PRMT8: variants seen among roughly 807,000 people sequenced by gnomAD.
PRMT8 encodes protein arginine methyltransferase 8.
In PRMT8, 7 loss-of-function variants were observed where a neutral mutation model predicts 47.1. The ratio of observed to expected loss-of-function variants is 0.15; its 90% CI spans 0.08 to 0.28. The LOEUF (loss-of-function observed/expected upper bound fraction) is 0.28, where lower values mean the gene tolerates loss of function less well. Among genes scored for constraint, PRMT8 ranks in the 10% least tolerant of loss-of-function variants. The pLI, the probability that PRMT8 is intolerant of heterozygous loss-of-function variation, is 1.00. For missense variants in PRMT8, 237 were observed against 505.4 expected, an observed-to-expected ratio of 0.47 and a Z score of 5.09; for synonymous variants, 188 against 186.5, an observed-to-expected ratio of 1.01 and a Z score of -0.07.
chr12:3,590,341 G>A (rs1867270979), intron 8 of PRMT8, among the ~76,000 whole-genome samples: 1 of 152,200 alleles, frequency 6.6e-6, no homozygotes, highest in Non-Finnish European at 1.5e-5. Flanking sequence ...TGGCCTTGGG[G>A]TTTTGAAAGC....
chr12:3,536,326 A>T (rs1866117570), intron 1 of PRMT8, among the ~76,000 whole-genome samples: 1 of 152,070 alleles, frequency 6.6e-6, no homozygotes, highest in African/African-American at 2.4e-5. Context: ...CCAGTCATTT[A>T]TTTGTCCCCA....
chr12:3,575,988 T>G (rs1190197433), intron 6 of PRMT8, among the ~76,000 whole-genome samples: 1 of 152,194 alleles, frequency 6.6e-6, no homozygotes, highest in Non-Finnish European at 1.5e-5. Flanking sequence ...CTCTGGGCGA[T>G]GGAGCCAGTC....
chr12:3,534,155 C>T (rs529419473), intron 1 of PRMT8, among the ~76,000 whole-genome samples: 15 of 152,366 alleles, frequency 9.8e-5, no homozygotes, highest in South Asian at 2.1e-4. Context: ...TTCTTCCCTC[C>T]GTGGGCCCTC....
At chr12:3,400,402 A>C (rs1482967404) in intron 1 of PRMT8, among the ~76,000 whole-genome samples, 2 of 152,218 alleles carry the variant, frequency 1.3e-5, no homozygotes, top group African/African-American at 4.8e-5. Context: ...TAAACTAGAA[A>C]ACCCAGAAGA....
At chr12:3,448,140 G>A (rs971979105) in intron 1 of PRMT8, among the ~76,000 whole-genome samples, 3 of 152,184 alleles carry the variant, frequency 2.0e-5, no homozygotes, top group African/African-American at 7.2e-5. Context: ...AGGACTACAG[G>A]CATGTGGCAC....
chr12:3,583,028 T>C lies in PRMT8; in HGVS notation c.829-30T>C. ...CCCAGACTTGGTGGAGGCGATAAGT[T>C]CCCGGCATTCTCTCTTCTCTGGGCT... On this transcript the variant is annotated intron_variant, in intron 7 of 9. Coordinates refer to ENST00000382622, the MANE Select transcript of PRMT8 (RefSeq NM_019854.5). The surrounding 1 kb of genome is among the most constrained non-coding windows in gnomAD (Gnocchi z 4.7). 6.2e-7 allele frequency: 1 copy of C among 1,605,234 alleles called. No individual in the cohort carries two copies. Among genetic ancestry groups the C allele is most frequent in the Non-Finnish European group, 8.5e-7 (1 of 1,175,038 alleles).
At chr12:3,499,290 C>T (rs1264543058) in intron 1 of PRMT8, among the ~76,000 whole-genome samples, 11 of 112,866 alleles carry the variant, frequency 9.7e-5, no homozygotes, top group Non-Finnish European at 1.2e-4. Flanking sequence ...TGGTGCACTG[C>T]ACCCACTAAT....
At chr12:3,522,968 G>A (rs1865902765) in intron 1 of PRMT8, among the ~76,000 whole-genome samples, 1 of 150,538 alleles carries the variant, frequency 6.6e-6, no homozygotes, top group Non-Finnish European at 1.5e-5. Flanking sequence ...TCTACTACCA[G>A]GGGTAAGGGG....
At chr12:3,448,179 A>AT (rs1427129639) in intron 1 of PRMT8, among the ~76,000 whole-genome samples, 2 of 151,986 alleles carry the variant, frequency 1.3e-5, no homozygotes, top group Non-Finnish European at 2.9e-5. Context: ...TCTTTTTTAA[A>AT]TTTTTTGTAG....
chr12:3,568,610 A>T, intron 4 of PRMT8, 96 bp from the exon 5 acceptor site: 1 of 1,402,418 alleles, frequency 7.1e-7, no homozygotes. Flanking sequence ...GAATCAGAAT[A>T]GGGCTGAAAC....
At chr12:3,431,898 C>A (rs1462520164) in intron 1 of PRMT8, among the ~76,000 whole-genome samples, 2 of 152,266 alleles carry the variant, frequency 1.3e-5, no homozygotes, top group East Asian at 3.9e-4. Context: ...CTGGGAGGAA[C>A]CTCGCTGGCA....
intron 1 of PRMT8, 21 bp downstream of exon 1, chr12:3,491,721 G>C (rs779317446): frequency 6.3e-7 from 1 of 1,597,838 alleles, no homozygotes. Flanking sequence ...GAGCGAGCAG[G>C]GGCTCTCGGA....
At chr12:3,498,612 C>A (rs968670695) in intron 1 of PRMT8, among the ~76,000 whole-genome samples, 3 of 152,120 alleles carry the variant, frequency 2.0e-5, no homozygotes, top group East Asian at 1.9e-4. Context: ...CCTAGCTGGA[C>A]CCAGTAGACA....
intron 1 of PRMT8, among the ~76,000 whole-genome samples, chr12:3,413,802 G>A (rs1864457142): frequency 1.3e-5 from 2 of 152,020 alleles, no homozygotes; most frequent in African/African-American, 4.8e-5. Context: ...TAAAAATACA[G>A]TATAACAACT....
chr12:3,389,399 C>T (rs556461396), intron 1 of PRMT8, among the ~76,000 whole-genome samples: 51 of 152,282 alleles, frequency 3.3e-4, no homozygotes, highest in Non-Finnish European at 6.3e-4. Context: ...AGCCCTTGGT[C>T]CTCTGCTACT....
At chr12:3,405,957 T>G (rs1386383178) in intron 1 of PRMT8, among the ~76,000 whole-genome samples, 1 of 152,244 alleles carries the variant, frequency 6.6e-6, no homozygotes, top group Non-Finnish European at 1.5e-5. Flanking sequence ...TGCAACCCCC[T>G]ATTTTCCTTC....
In PRMT8 at chr12:3,540,613, G is replaced by GCCCCCCCCGCCCCCCC; in HGVS notation, c.90_91insCGCCCCCCCCCCCCCC (p.Ser31ArgfsTer16). On this transcript the variant is annotated frameshift_variant, in exon 2 of 10. Transcript: ENST00000382622. LOFTEE classifies it high-confidence loss of function. ...CCCTTCTCTTCCCCTCAGGTGAACAGCCCCCCCTCCCAGCCCCCCCAGCCC... is the reference window on the plus strand; with the variant it reads ...CCCTTCTCTTCCCCTCAGGTGAACAGCCCCCCCCGCCCCCCCCCCCCCCTCCCAGCCCCCCCAGCCC... 1 of 1,130,520 alleles carries GCCCCCCCCGCCCCCCC rather than the reference G, an allele frequency of 8.8e-7. No individual in the cohort carries two copies. Among genetic ancestry groups the GCCCCCCCCGCCCCCCC allele is most frequent in the Non-Finnish European group, 1.3e-6 (1 of 752,490 alleles). The allele number at this position is 1,130,520 out of a possible 1,614,324, so 70.0% of individuals were successfully genotyped here.
intron 4 of PRMT8, among the ~76,000 whole-genome samples, chr12:3,563,935 A>AC (rs34568635): frequency 6.6e-6 from 1 of 151,936 alleles, no homozygotes; most frequent in African/African-American, 2.4e-5. Flanking sequence ...AATGCCCCCC[A>AC]CCTTTTTTCC....
intron 1 of PRMT8, among the ~76,000 whole-genome samples, chr12:3,484,204 T>C (rs1490288236): frequency 6.6e-6 from 1 of 152,192 alleles, no homozygotes; most frequent in East Asian, 1.9e-4. Context: ...CCATCAGAGT[T>C]GAATTTTGAT....
Sources: allele counts gnomAD v4.1 joint callset (sites outside exome capture counted in the v4.1 genomes callset), GRCh38; gene constraint gnomAD v4.1.1; non-coding constraint Gnocchi (gnomAD v3.1); transcripts MANE v1.5; gene names NCBI Gene and HGNC (gene_info 2026-07-23, HGNC 2026-07-21).